Variants in ABI2 observed in about 807,000 individuals in gnomAD.
ABI2 encodes the protein abl interactor 2, also known as abelson interactor 2.
In ABI2, 25 loss-of-function variants were observed where a neutral mutation model predicts 59.2. The ratio of observed to expected loss-of-function variants is 0.42; its 90% CI spans 0.31 to 0.59. ABI2 has a LOEUF of 0.59. Among genes scored for constraint, ABI2 ranks in the 20% least tolerant of loss-of-function variants. The pLI, the probability that ABI2 is intolerant of heterozygous loss-of-function variation, is 0.14. For synonymous variants in ABI2, 213 were observed against 235.5 expected (o/e 0.90, Z 0.87); for missense variants, 545 against 681.8 (o/e 0.80, Z 2.23).
chr2:203,402,627 C>T lies in ABI2; in HGVS notation c.1085C>T (p.Pro362Leu). The change falls in exon 9 of 12, where the codon CCC (proline) becomes CTC (leucine). Residue 362 changes from proline to leucine, a missense_variant. Physicochemically the swap from Pro to Leu is moderately conservative, Grantham distance 98. Transcript: ENST00000261018. ...SMNRPASRHT[P>L]PTIGGSLPYR... ...AATAGGCCTGCCTCTCGCCATACTC[C>T]CCCAACAATAGGGGGCTCGTTGCCC... The T allele has an allele frequency of 1.2e-6, 2 of 1,605,836 alleles. No homozygotes were observed. Among genetic ancestry groups the T allele is most frequent in the Non-Finnish European group, 8.5e-7 (1 of 1,177,194 alleles).
At chr2:203,389,662 G>A (rs557508243) in intron 4 of ABI2, among the ~76,000 whole-genome samples, 1 of 152,210 alleles carries the variant, frequency 6.6e-6, no homozygotes, top group Non-Finnish European at 1.5e-5. Flanking sequence ...AAAAGTTGAG[G>A]TCCTTTTTCA....
chr2:203,372,626 C>A (rs1203341545), intron 2 of ABI2, among the ~76,000 whole-genome samples: 1 of 150,526 alleles, frequency 6.6e-6, no homozygotes, highest in Non-Finnish European at 1.5e-5. Context: ...CCACCTCCCT[C>A]CCAGACGGGG....
chr2:203,357,067 A>G (rs1396505435), intron 1 of ABI2, among the ~76,000 whole-genome samples: 1 of 152,188 alleles, frequency 6.6e-6, no homozygotes, highest in East Asian at 1.9e-4. Flanking sequence ...TTAAAAAGCA[A>G]GTTTCATGTT....
At chr2:203,338,983 A>AATATATATATATATAT (rs1212962939) in intron 1 of ABI2, among the ~76,000 whole-genome samples, 1 of 12,350 alleles carries the variant, frequency 8.1e-5, no homozygotes, top group African/African-American at 2.6e-4. Flanking sequence ...TATATATATA[A>AATATATATATATATAT]ATATATATAT....
intron 1 of ABI2, among the ~76,000 whole-genome samples, chr2:203,338,556 C>A (rs2077501846): frequency 6.6e-6 from 1 of 151,964 alleles, no homozygotes; most frequent in African/African-American, 2.4e-5. Context: ...TTACACCTCA[C>A]CAGAAGTACG....
At chr2:203,386,138 T>C (rs1241386566) in intron 4 of ABI2, among the ~76,000 whole-genome samples, 1 of 152,170 alleles carries the variant, frequency 6.6e-6, no homozygotes, top group Admixed American at 6.5e-5. Flanking sequence ...CAAATAATTA[T>C]GTACTAGATG....
chr2:203,427,425 C>A lies in ABI2; in HGVS notation c.*73C>A. The A allele has an allele frequency of 7.5e-7, 1 of 1,330,300 alleles. No homozygotes were observed. Among genetic ancestry groups the A allele is most frequent in the African/African-American group, 1.5e-5 (1 of 68,288 alleles). 82.4% of individuals were successfully genotyped at this position (1,330,300 alleles called of 1,614,324 possible). A position where few individuals can be genotyped will look rare whatever the true frequency, so the allele number is the denominator to read the frequency against. ...AGATTATCTGAAGGCCCTGGGGATT[C>A]CACTCCAGTAAAGTAGAATGAAGGA... On this transcript the variant is annotated 3_prime_UTR_variant, in exon 12 of 12. Transcript: ENST00000261018.
Position 203,380,295 on chromosome 2 carries a change from A to G in ABI2, c.373A>G (p.Ile125Val), listed in dbSNP as rs896406791. ...NKNTSRTHKI[I>V]APANLERPVR... ...AAACACTTCAAGGACACATAAGATTATTGCTCCAGCCAACCTTGAACGACC... is the reference window on the plus strand; with the variant it reads ...AAACACTTCAAGGACACATAAGATTGTTGCTCCAGCCAACCTTGAACGACC... The change falls in exon 3 of 12, where the codon ATT becomes GTT. Residue 125 changes from isoleucine to valine, a missense_variant. Around this residue, in one of 4 missense-constraint regions of ABI2, gnomAD observed 410 missense variants for 435.6 expected, o/e 0.94. Coordinates refer to ENST00000261018, the MANE Select transcript of ABI2 (RefSeq NM_001375670.1). 2.5e-6 allele frequency: 4 copies of G among 1,610,248 alleles called. No homozygotes were observed. Among genetic ancestry groups the G allele is most frequent in the Non-Finnish European group, 3.4e-6 (4 of 1,178,444 alleles).
chr2:203,333,514 G>A (rs1450832486), intron 1 of ABI2, among the ~76,000 whole-genome samples: 1 of 152,172 alleles, frequency 6.6e-6, no homozygotes, highest in Non-Finnish European at 1.5e-5. Context: ...AAAGAGGTCA[G>A]TTGAGAGTAA....
intron 4 of ABI2, among the ~76,000 whole-genome samples, 159 bp from the exon 5 acceptor site, chr2:203,390,887 A>G (rs1314255684): frequency 6.6e-6 from 1 of 152,220 alleles, no homozygotes; most frequent in African/African-American, 2.4e-5. Flanking sequence ...ACTGTAGAGT[A>G]ATAGTAGAGT....
intron 1 of ABI2, among the ~76,000 whole-genome samples, chr2:203,360,339 G>A (rs1482314338): frequency 6.6e-6 from 1 of 152,120 alleles, no homozygotes; most frequent in Non-Finnish European, 1.5e-5. Flanking sequence ...CAATGATAAA[G>A]GTTCTTATTG....
intron 1 of ABI2, 135 bp downstream of exon 1, chr2:203,328,766 G>T: frequency 2.1e-6 from 1 of 472,588 alleles, no homozygotes. Flanking sequence ...CTGGGTGAGG[G>T]CTGGGGCTGG....
At position 203,431,293 on chromosome 2, in the gene ABI2, G is replaced by A. The variant is rs971009053; in HGVS notation, c.*3941G>A. ...CAGCAGAGTTCTCACTCAGTGCTCA[G>A]TACTTAATTTTCCACTGCACCACAA... On this transcript the variant is annotated 3_prime_UTR_variant, in exon 12 of 12. Transcript: ENST00000261018. 1 of 152,558 alleles carries A rather than the reference G, an allele frequency of 6.6e-6. No individual in the cohort carries two copies. The highest frequency in any genetic ancestry group is 1.5e-5 in the Non-Finnish European group (1 of 68,022). 9.5% of individuals were successfully genotyped at this position (152,558 alleles called of 1,614,324 possible). A position where few individuals can be genotyped will look rare whatever the true frequency, so the allele number is the denominator to read the frequency against.
At chr2:203,362,320 T>C (rs916094148) in intron 1 of ABI2, among the ~76,000 whole-genome samples, 2 of 152,228 alleles carry the variant, frequency 1.3e-5, no homozygotes, top group African/African-American at 4.8e-5. Flanking sequence ...TAAAATAACC[T>C]GTACTTTCAC....
intron 10 of ABI2, among the ~76,000 whole-genome samples, chr2:203,412,366 C>T (rs1414104722): frequency 6.6e-6 from 1 of 152,132 alleles, no homozygotes. Flanking sequence ...TGTAGCTGAC[C>T]AAATGCCCCC....
chr2:203,394,628 G>A, intron 5 of ABI2, 72 bp from the exon 6 acceptor site: 1 of 1,451,474 alleles, frequency 6.9e-7, no homozygotes, highest in South Asian at 1.3e-5. Context: ...TATCTCAACT[G>A]CTGGCAACTC....
intron 10 of ABI2, among the ~76,000 whole-genome samples, chr2:203,414,423 A>C (rs1273907597): frequency 1.3e-5 from 2 of 152,018 alleles, no homozygotes; most frequent in African/African-American, 4.8e-5. Context: ...TTTGTATCTG[A>C]CATGAAATAT....
At chr2:203,383,527 CT>C (rs1388576542) in intron 4 of ABI2, among the ~76,000 whole-genome samples, 1 of 152,182 alleles carries the variant, frequency 6.6e-6, no homozygotes, top group Non-Finnish European at 1.5e-5. Context: ...CACACAGATT[CT>C]TTACCCTTAA....
chr2:203,342,414 T>C (rs1460138899), intron 1 of ABI2, among the ~76,000 whole-genome samples: 2 of 152,180 alleles, frequency 1.3e-5, no homozygotes, highest in African/African-American at 4.8e-5. Context: ...GGCAAGGAGA[T>C]AGGTTGTTAG....
Sources: allele counts gnomAD v4.1 joint callset (sites outside exome capture counted in the v4.1 genomes callset), GRCh38; gene constraint gnomAD v4.1.1; regional missense constraint gnomAD v4.1.1; transcripts MANE v1.5; gene names NCBI Gene and HGNC (gene_info 2026-07-23, HGNC 2026-07-21).